The following KDM5A variants were observed in gnomAD, a reference collection of about 807,000 sequenced individuals.
The protein encoded by KDM5A is lysine-specific demethylase 5A.
In KDM5A, 42 loss-of-function variants were observed where a neutral mutation model predicts 193.5. That is an observed-to-expected ratio of 0.22 (90% CI 0.17 to 0.28). The LOEUF is 0.28. KDM5A is among the 10% of genes least tolerant of loss of function. KDM5A has a pLI of 1.00. For synonymous variants in KDM5A, 796 were observed against 718.1 expected (o/e 1.11, Z -1.73); for missense variants, 1,692 against 2,055.1 (o/e 0.82, Z 3.42).
chr12:326,657 C>T (rs546225677), intron 14 of KDM5A, among the ~76,000 whole-genome samples: 33 of 152,120 alleles, frequency 2.2e-4, no homozygotes, highest in African/African-American at 5.5e-4. Flanking sequence ...GTCAGGAGAT[C>T]GAGACCATCC....
At chr12:293,264 G>A in intron 26 of KDM5A, 95 bp from the exon 27 acceptor site, 1 of 1,095,366 alleles carries the variant, frequency 9.1e-7, no homozygotes, top group Non-Finnish European at 1.3e-6. Flanking sequence ...GACACATTCG[G>A]AGAGACAGAA....
chr12:388,572 T>G (rs760534894), intron 1 of KDM5A: 3 of 379,952 alleles, frequency 7.9e-6, no homozygotes, highest in Non-Finnish European at 1.5e-5. Context: ...AATAAAGAGA[T>G]AGCCGACTAT....
At chr12:336,509 C>T (rs975190280) in intron 10 of KDM5A, among the ~76,000 whole-genome samples, 1 of 152,064 alleles carries the variant, frequency 6.6e-6, no homozygotes, top group Admixed American at 6.6e-5. Flanking sequence ...GGTTATTACT[C>T]AATATGTTTT....
chr12:353,835 T>C (rs1944193730), intron 8 of KDM5A, among the ~76,000 whole-genome samples: 1 of 150,070 alleles, frequency 6.7e-6, no homozygotes, highest in African/African-American at 2.5e-5. Flanking sequence ...GGCAGGAGAA[T>C]CACTTGAACC....
At chr12:325,971 G>A (rs1943778127) in intron 14 of KDM5A, among the ~76,000 whole-genome samples, 1 of 152,210 alleles carries the variant, frequency 6.6e-6, no homozygotes, top group Non-Finnish European at 1.5e-5. Context: ...CTGAGATCGT[G>A]CAACTGCACT....
intron 12 of KDM5A, chr12:332,931 T>C (rs940423296): frequency 6.3e-6 from 1 of 157,488 alleles, no homozygotes; most frequent in Non-Finnish European, 1.4e-5. Context: ...TTACTGAAAA[T>C]AGAAGGTTAT....
At position 365,967 on chromosome 12, in the gene KDM5A, T is replaced by C. The variant is rs769793636; in HGVS notation, c.504A>G (p.Pro168=). 1.2e-6 allele frequency: 2 copies of C among 1,614,106 alleles called. No homozygotes were observed. The highest frequency in any genetic ancestry group is 8.5e-7 in the Non-Finnish European group (1 of 1,179,944). The stretch of plus-strand genomic sequence containing the variant: ...TCACACCAGACTGGAAAAGCTCATA[T>C]GGGTAGAGAATTCTTTCATAATGTG... ...LKSHYERILY[P]YELFQSGVSL... The change falls in exon 4 of 28, where the codon CCA becomes CCG. Residue 168 remains proline (P), a synonymous_variant. Transcript: ENST00000399788.
Position 295,644 on chromosome 12 carries a change from T to C in KDM5A, c.4384A>G (p.Thr1462Ala). 1 of 1,614,026 alleles carries C rather than the reference T, an allele frequency of 6.2e-7. No individual in the cohort carries two copies. Among genetic ancestry groups the C allele is most frequent in the Non-Finnish European group, 8.5e-7 (1 of 1,179,992 alleles). The change falls in exon 26 of 28, where the codon ACT becomes GCT. Residue 1462 changes from threonine to alanine, a missense_variant. Around this residue, in one of 11 missense-constraint regions of KDM5A, gnomAD observed 965 missense variants for 1,061.0 expected, o/e 0.91. Transcript: ENST00000399788. ...GDLLEVSLDE[T>A]QHIWRILQAT... ...TGCAAAATCCGCCATATGTGTTGAG[T>C]CTCGTCCAGAGATACTTCCAGGAGA...
At chr12:299,148 C>A (rs1019119632) in intron 24 of KDM5A, among the ~76,000 whole-genome samples, 7 of 152,130 alleles carry the variant, frequency 4.6e-5, no homozygotes, top group Non-Finnish European at 1.0e-4. Context: ...AGGAGAACTT[C>A]CCCAACCTAG....
At chr12:308,356 A>C (rs1046930249) in intron 22 of KDM5A, among the ~76,000 whole-genome samples, 2 of 152,196 alleles carry the variant, frequency 1.3e-5, no homozygotes, top group Non-Finnish European at 2.9e-5. Context: ...AAAAATGAGA[A>C]TACTACCAAC....
Position 363,028 on chromosome 12 carries a change from T to C in KDM5A, c.607A>G (p.Thr203Ala). ...ATCCTTGTGCCTGGCTCTGGGGAAGTTTGGGTATCAGTGCTGAGAACCTCA... is the reference window on the plus strand; with the variant it reads ...ATCCTTGTGCCTGGCTCTGGGGAAGCTTGGGTATCAGTGCTGAGAACCTCA... ...EPEVLSTDTQ[T>A]SPEPGTRMNI... The change falls in exon 5 of 28, where the codon ACT becomes GCT. Residue 203 changes from threonine (T) to alanine (A), a missense_variant. Thr to Ala is a moderately conservative substitution (Grantham distance 58, BLOSUM62 0). Transcript: ENST00000399788. 1 of 1,614,136 alleles carries C rather than the reference T, an allele frequency of 6.2e-7. No homozygotes were observed. Among genetic ancestry groups the C allele is most frequent in the Non-Finnish European group, 8.5e-7 (1 of 1,180,010 alleles).
chr12:305,156 T>TAA (rs1943489461), intron 24 of KDM5A, among the ~76,000 whole-genome samples: 1 of 152,216 alleles, frequency 6.6e-6, no homozygotes, highest in Admixed American at 6.5e-5. Flanking sequence ...GCAACTGTAA[T>TAA]GCCTCTTTTC....
At chr12:384,584 TGTAAAACTAGCCAATA>T (rs1283885833) in intron 2 of KDM5A, among the ~76,000 whole-genome samples, 7 of 152,306 alleles carry the variant, frequency 4.6e-5, no homozygotes, top group Middle Eastern at 3.4e-3. Flanking sequence ...ATTTCAACCC[TGTAAAACTAGCCAATA>T]GTAAAACTAG....
intron 4 of KDM5A, among the ~76,000 whole-genome samples, chr12:364,995 C>A (rs1944338681): frequency 1.3e-5 from 2 of 151,994 alleles, no homozygotes; most frequent in Non-Finnish European, 2.9e-5. Context: ...TGTGGTATAT[C>A]CATTCAATGG....
chr12:323,268 A>C, intron 15 of KDM5A, 62 bp from the exon 16 acceptor site: 3 of 1,477,444 alleles, frequency 2.0e-6, no homozygotes, highest in Non-Finnish European at 1.8e-6. Flanking sequence ...CTCAAAAACC[A>C]ACAATAACTT....
At chr12:355,898 A>G (rs1944224827) in intron 6 of KDM5A, among the ~76,000 whole-genome samples, 1 of 152,220 alleles carries the variant, frequency 6.6e-6, no homozygotes, top group Non-Finnish European at 1.5e-5. Context: ...ACATAGAGAG[A>G]ACAGTGGAAC....
chr12:360,343 C>G (rs1329869218), intron 5 of KDM5A, among the ~76,000 whole-genome samples: 1 of 151,304 alleles, frequency 6.6e-6, no homozygotes, highest in Non-Finnish European at 1.5e-5. Context: ...GCAGATGAGA[C>G]AGCTAAGGAG....
chr12:356,456 C>G lies in KDM5A; in HGVS notation c.754G>C (p.Ala252Pro), dbSNP rs781695853. Reference sequence around the variant, plus strand: ...CCTTCTTTATCTTTTGTTCCCATTGCCAAGCCCACAACCTTGGGCCCAGCC... The same window carrying G: ...CCTTCTTTATCTTTTGTTCCCATTGGCAAGCCCACAACCTTGGGCCCAGCC... ...FGAGPKVVGL[A>P]MGTKDKEDEV... The change falls in exon 6 of 28, where the codon GCA (alanine) becomes CCA (proline). Residue 252 changes from alanine (A) to proline (P), a missense_variant. By Grantham distance (27) the Ala-to-Pro change is conservative. Transcript: ENST00000399788. 1 of 1,611,460 alleles carries G rather than the reference C, an allele frequency of 6.2e-7. No homozygotes were observed. Among genetic ancestry groups the G allele is most frequent in the Non-Finnish European group, 8.5e-7 (1 of 1,177,634 alleles).
At chr12:330,625 A>C (rs1040368037) in intron 13 of KDM5A, among the ~76,000 whole-genome samples, 2 of 152,208 alleles carry the variant, frequency 1.3e-5, no homozygotes, top group African/African-American at 4.8e-5. Flanking sequence ...ATGCTGATTG[A>C]ATGTTTAGAA....
Sources: gnomAD v4.1 joint callset for allele counts (sites outside exome capture counted in the v4.1 genomes callset) on GRCh38, gnomAD v4.1.1 for gene constraint, gnomAD v4.1.1 regional missense constraint, MANE v1.5 for transcripts, NCBI Gene and HGNC (gene_info 2026-07-23, HGNC 2026-07-21) for gene names.